NPHP3: variants seen among roughly 807,000 people sequenced by gnomAD.
NPHP3 encodes the protein nephrocystin-3.
Under a neutral mutation model 171.9 loss-of-function variants are expected in NPHP3, and 123 were observed. That is an observed-to-expected ratio of 0.72 (90% CI 0.62 to 0.83). The LOEUF is 0.83. Ranked by LOEUF, NPHP3 falls within the 40% of genes least tolerant of loss-of-function variation. The pLI is 0.00. For missense variants in NPHP3, 1,506 were observed against 1,591.9 expected (o/e 0.95, Z 0.92); for synonymous variants, 558 against 579.2 (o/e 0.96, Z 0.52).
chr3:132,707,506 G>T (rs1395001935), intron 7 of NPHP3, among the ~76,000 whole-genome samples: 2 of 151,914 alleles, frequency 1.3e-5, no homozygotes, highest in Admixed American at 1.3e-4. Context: ...ACTAATCCTT[G>T]GTCAGTAGAC....
In NPHP3 at chr3:132,686,391, C is replaced by T. The variant is rs1939165265; in HGVS notation, c.3202-4G>A. On this transcript the variant is annotated splice_polypyrimidine_tract_variant and splice_region_variant and intron_variant, in intron 22 of 26. Coordinates refer to ENST00000337331, the MANE Select transcript of NPHP3 (RefSeq NM_153240.5). ...TACGTAAAAGGGCAAATCCGTACTG[C>T]AGCAAACATGAAAAATGAAAAGCAA... 1 of 1,613,898 alleles carries T rather than the reference C, an allele frequency of 6.2e-7. No homozygotes were observed. Among genetic ancestry groups the T allele is most frequent in the East Asian group, 2.2e-5 (1 of 44,856 alleles).
chr3:132,706,314 G>A (rs925487742), intron 7 of NPHP3, among the ~76,000 whole-genome samples: 4 of 149,598 alleles, frequency 2.7e-5, no homozygotes, highest in African/African-American at 4.9e-5. Context: ...AGCTGAGATC[G>A]CTCTACTGCA....
intron 7 of NPHP3, among the ~76,000 whole-genome samples, chr3:132,706,400 CA>C (rs1327914183): frequency 1.3e-5 from 2 of 150,526 alleles, no homozygotes; most frequent in African/African-American, 4.9e-5. Context: ...AAGAAGTATA[CA>C]TTTTTTTTTT....
At chr3:132,686,876 CT>C (rs1335968246) in intron 22 of NPHP3, among the ~76,000 whole-genome samples, 5 of 152,000 alleles carry the variant, frequency 3.3e-5, no homozygotes, top group Admixed American at 1.3e-4. Context: ...TATTTTATTC[CT>C]TTTTCCAACC....
At chr3:132,718,079 C>T (rs771048823) in intron 3 of NPHP3, 105 of 453,670 alleles carry the variant, frequency 2.3e-4, no homozygotes, top group Non-Finnish European at 3.0e-4. Flanking sequence ...TAAAAGTTAG[C>T]AATAAAAATT....
chr3:132,687,650 A>G (rs1267590988), intron 21 of NPHP3, among the ~76,000 whole-genome samples: 1 of 152,240 alleles, frequency 6.6e-6, no homozygotes, highest in Non-Finnish European at 1.5e-5. Context: ...TGCACAGGCT[A>G]ATTTCTGGTC....
intron 21 of NPHP3, 93 bp downstream of exon 21, chr3:132,688,557 T>G: frequency 1.5e-6 from 2 of 1,358,562 alleles, no homozygotes; most frequent in East Asian, 4.6e-5. Flanking sequence ...TAAGGAAAAG[T>G]ACACAGTGAT....
chr3:132,682,932 G>T, intron 25 of NPHP3, 114 bp from the exon 26 acceptor site: 1 of 720,342 alleles, frequency 1.4e-6, no homozygotes, highest in Non-Finnish European at 2.5e-6. Context: ...CCTCCTAAAA[G>T]ATGGGAATAA....
At chr3:132,686,150 G>A (rs567792604) in intron 23 of NPHP3, 110 bp downstream of exon 23, 65 of 1,136,240 alleles carry the variant, frequency 5.7e-5, no homozygotes, top group African/African-American at 2.0e-4. Context: ...GAAATTTTGC[G>A]TGGTTTTTAT....
intron 2 of NPHP3, 67 bp downstream of exon 2, chr3:132,719,638 A>C: frequency 9.7e-7 from 1 of 1,035,670 alleles, no homozygotes; most frequent in East Asian, 2.8e-5. Context: ...ATTATATATT[A>C]TATATACTTT....
intron 3 of NPHP3, chr3:132,717,128 AAG>A: frequency 1.9e-6 from 1 of 520,714 alleles, no homozygotes; most frequent in South Asian, 2.4e-5. Context: ...GAGGATTAAA[AAG>A]AGAAAGATGA....
At chr3:132,697,635 T>C (rs1939490799) in intron 13 of NPHP3, among the ~76,000 whole-genome samples, 1 of 152,244 alleles carries the variant, frequency 6.6e-6, no homozygotes. Flanking sequence ...TCTAGTTCTA[T>C]GTTCCATACT....
rs759147634 is a variant in NPHP3, at chr3:132,708,180, T to C, written c.1196A>G (p.Glu399Gly). 2 of 1,614,178 alleles carry C rather than the reference T, an allele frequency of 1.2e-6. No homozygotes were observed. The highest frequency in any genetic ancestry group is 1.7e-6 in the Non-Finnish European group (2 of 1,179,974). The change falls in exon 7 of 27, where the codon GAA (glutamate) becomes GGA (glycine). Residue 399 changes from glutamate (E) to glycine (G), a missense_variant. Physicochemically the swap from Glu to Gly is moderately conservative, Grantham distance 98 (BLOSUM62 -2). Around this residue, in one of 3 missense-constraint regions of NPHP3, gnomAD observed 930 missense variants for 924.9 expected, o/e 1.01. Coordinates refer to ENST00000337331, the MANE Select transcript of NPHP3 (RefSeq NM_153240.5). ...GKPRLIFHRL[E>G]DGKVSSDSVQ... Reference sequence around the variant, plus strand: ...AGAGTCAGAACTGACTTTTCCATCTTCCAAACGATGAAAGATTAATCGAGG... The same window carrying C: ...AGAGTCAGAACTGACTTTTCCATCTCCCAAACGATGAAAGATTAATCGAGG...
At chr3:132,686,162 A>AT (rs916874335) in intron 23 of NPHP3, 98 bp downstream of exon 23, 34 of 1,362,352 alleles carry the variant, frequency 2.5e-5, no homozygotes, top group South Asian at 3.5e-5. Flanking sequence ...GGTTTTTATC[A>AT]TTTTTTTTCT....
chr3:132,703,139 G>A (rs1384136789), intron 9 of NPHP3, among the ~76,000 whole-genome samples: 1 of 152,160 alleles, frequency 6.6e-6, no homozygotes, highest in Non-Finnish European at 1.5e-5. Flanking sequence ...TTTAATCCTT[G>A]CAACAAGTAC....
intron 6 of NPHP3, among the ~76,000 whole-genome samples, chr3:132,712,775 AG>A (rs1939949293): frequency 6.6e-6 from 1 of 151,840 alleles, no homozygotes; most frequent in Admixed American, 6.6e-5. Flanking sequence ...CAAAAAAAAA[AG>A]AAAAAAAAAT....
chr3:132,721,808 G>T, intron 1 of NPHP3, 155 bp downstream of exon 1: 1 of 966,208 alleles, frequency 1.0e-6, no homozygotes, highest in Non-Finnish European at 1.6e-6. Context: ...AAAAGGGGAG[G>T]GTTAAGGAAT....
In NPHP3 at chr3:132,684,586, C is replaced by T. The variant is rs776335307; in HGVS notation, c.3538G>A (p.Val1180Met). 4 of 1,613,878 alleles carry T rather than the reference C, an allele frequency of 2.5e-6. No individual in the cohort carries two copies. The highest frequency in any genetic ancestry group is 1.3e-5 in the African/African-American group (1 of 74,920). The change falls in exon 24 of 27, where the codon GTG (valine) becomes ATG (methionine). Residue 1180 changes from valine (V) to methionine (M), a missense_variant. Physicochemically the swap from Val to Met is conservative, Grantham distance 21. This residue lies in a region of NPHP3 where 569 missense variants were observed against 648.1 expected (regional missense o/e 0.88). Coordinates refer to ENST00000337331, the MANE Select transcript of NPHP3 (RefSeq NM_153240.5). ...APDHPSLAYT[V>M]KHLAILYKKM... ...TTATACAAGATGGCAAGATGCTTCA[C>T]CGTATATGCCAAAGAAGGGTGATCA... is the stretch of plus-strand genomic sequence containing the variant.
intron 22 of NPHP3, 59 bp downstream of exon 22, chr3:132,687,091 AT>A (rs1399774936): frequency 1.2e-6 from 1 of 848,642 alleles, no homozygotes; most frequent in Non-Finnish European, 2.0e-6. Context: ...GGGTGTATGC[AT>A]TTATGATGCT....
Sources: allele counts gnomAD v4.1 joint callset (sites outside exome capture counted in the v4.1 genomes callset), GRCh38; gene constraint gnomAD v4.1.1; regional missense constraint gnomAD v4.1.1; transcripts MANE v1.5; gene names NCBI Gene and HGNC (gene_info 2026-07-23, HGNC 2026-07-21).